Variants in CFAP61 observed in about 807,000 individuals in gnomAD.
The protein encoded by CFAP61 is cilia and flagella associated protein 61.
In CFAP61, 107 loss-of-function variants were observed where a neutral mutation model predicts 135.6. The observed-to-expected ratio is 0.79, with a 90% CI of 0.67 to 0.93. The LOEUF (loss-of-function observed/expected upper bound fraction) is 0.93. Ranked by LOEUF, CFAP61 falls within the 40% of genes least tolerant of loss-of-function variation. The pLI is 0.00. For missense variants in CFAP61, 1,507 were observed against 1,556.2 expected, an observed-to-expected ratio of 0.97 and a Z score of 0.53; for synonymous variants, 575 against 578.5, an observed-to-expected ratio of 0.99 and a Z score of 0.09.
intron 6 of CFAP61, among the ~76,000 whole-genome samples, chr20:20,081,399 T>A (rs2046419747): frequency 6.6e-6 from 1 of 152,228 alleles, no homozygotes; most frequent in Admixed American, 6.5e-5. Flanking sequence ...GGGATTATTG[T>A]AATAGAAAAC....
At chr20:20,256,228 A>G in intron 20 of CFAP61, among the ~76,000 whole-genome samples, 1 of 152,222 alleles carries the variant, frequency 6.6e-6, no homozygotes, top group East Asian at 1.9e-4. Context: ...GACCAACAAA[A>G]TCATGGAAAG....
chr20:20,179,702 G>T (rs2054905191), intron 13 of CFAP61, among the ~76,000 whole-genome samples: 1 of 152,142 alleles, frequency 6.6e-6, no homozygotes, highest in African/African-American at 2.4e-5. Context: ...CAATGGAAGA[G>T]AATAGAGAAC....
At chr20:20,276,331 G>A (rs1394276948) in intron 21 of CFAP61, among the ~76,000 whole-genome samples, 1 of 151,222 alleles carries the variant, frequency 6.6e-6, no homozygotes, top group African/African-American at 2.4e-5. Flanking sequence ...CCTGGAAAAT[G>A]AGTCTACAGC....
intron 8 of CFAP61, among the ~76,000 whole-genome samples, chr20:20,101,507 T>C (rs1486488738): frequency 1.3e-5 from 2 of 152,228 alleles, no homozygotes; most frequent in South Asian, 4.1e-4. Context: ...TCGTGCATGA[T>C]GATAGTCTTG....
At chr20:20,322,351 G>T (rs1228921606) in intron 25 of CFAP61, among the ~76,000 whole-genome samples, 1 of 152,142 alleles carries the variant, frequency 6.6e-6, no homozygotes, top group Non-Finnish European at 1.5e-5. Context: ...CTGACATGAA[G>T]TCCCAACATG....
At chr20:20,177,501 G>A (rs920691109) in intron 13 of CFAP61, among the ~76,000 whole-genome samples, 9 of 142,386 alleles carry the variant, frequency 6.3e-5, no homozygotes, top group African/African-American at 8.0e-5. Context: ...ACTGGGTTCC[G>A]GGGTGCAGGA....
intron 8 of CFAP61, among the ~76,000 whole-genome samples, chr20:20,124,755 C>T (rs1275129346): frequency 2.6e-5 from 4 of 151,626 alleles, no homozygotes; most frequent in Admixed American, 2.6e-4. Flanking sequence ...GGGAGGGTTC[C>T]TTCTTTCTCT....
chr20:20,191,388 T>A lies in CFAP61; in HGVS notation c.1559T>A (p.Ile520Lys), dbSNP rs980178738. ...TTTGTAGCTGAAGTTGCAGAACAAA[T>A]AGTTGGTATTGCAGTGATCAGAAAT... is the stretch of plus-strand genomic sequence containing the variant. ...QAFVAEVAEQ[I>K]VGIAVIRNEM... The change falls in exon 15 of 27, where the codon ATA (isoleucine) becomes AAA (lysine). Residue 520 changes from isoleucine to lysine, a missense_variant. Transcript: ENST00000245957. The A allele has an allele frequency of 1.2e-6, 2 of 1,613,016 alleles. No individual in the cohort carries two copies. Among genetic ancestry groups the A allele is most frequent in the Non-Finnish European group, 1.7e-6 (2 of 1,179,308 alleles).
intron 21 of CFAP61, among the ~76,000 whole-genome samples, chr20:20,274,399 G>A (rs1184178812): frequency 4.6e-5 from 7 of 152,340 alleles, no homozygotes; most frequent in Admixed American, 2.6e-4. Flanking sequence ...AGAGGCTCAC[G>A]TCTATAATCC....
At chr20:20,156,118 T>C (rs1304128685) in intron 9 of CFAP61, among the ~76,000 whole-genome samples, 3 of 152,104 alleles carry the variant, frequency 2.0e-5, no homozygotes, top group African/African-American at 7.2e-5. Flanking sequence ...CTAAGGAACT[T>C]TTCCATGCAA....
chr20:20,315,192 G>A (rs1286271220), intron 25 of CFAP61, among the ~76,000 whole-genome samples: 1 of 151,876 alleles, frequency 6.6e-6, no homozygotes, highest in Non-Finnish European at 1.5e-5. Context: ...ATCCTCTCCA[G>A]CACCTGTTAT....
At chr20:20,182,984 C>CCTCCTCAGG (rs1303643936) in intron 13 of CFAP61, among the ~76,000 whole-genome samples, 1 of 152,192 alleles carries the variant, frequency 6.6e-6, no homozygotes, top group Non-Finnish European at 1.5e-5. Context: ...TAGATCACCT[C>CCTCCTCAGG]CTCCTCAGGT....
In CFAP61 at chr20:20,311,066, C is replaced by T. The variant is rs567027406; in HGVS notation, c.3422+12680C>T. Among the ~76,000 whole-genome samples, 18 of 152,338 alleles carry T rather than the reference C, an allele frequency of 1.2e-4. No individual in the cohort carries two copies. The East Asian group carries it at 1.7e-3, about 15-fold the overall frequency. ...CTGGAAATTGTAGTCTTTCCCTTCC[C>T]GGCCTGTGATATTTTGGCTAAATCA... On this transcript the variant is annotated intron_variant, in intron 25 of 26. Transcript: ENST00000245957.
chr20:20,059,140 C>T (rs2044595853), intron 2 of CFAP61, among the ~76,000 whole-genome samples: 1 of 151,688 alleles, frequency 6.6e-6, no homozygotes, highest in African/African-American at 2.4e-5. Context: ...ACCATCCTGG[C>T]CAACAGGTGA....
intron 8 of CFAP61, among the ~76,000 whole-genome samples, chr20:20,105,493 C>CTGTGG (rs898837538): frequency 1.2e-4 from 18 of 152,170 alleles, no homozygotes; most frequent in Admixed American, 1.2e-3. Context: ...CTCCTAGATC[C>CTGTGG]TGTGGTGTGG....
Position 20,277,469 on chromosome 20 carries a change from C to T in CFAP61, c.2796+11C>T. 1 of 1,588,446 alleles carries T rather than the reference C, an allele frequency of 6.3e-7. No homozygotes were observed. Among genetic ancestry groups the T allele is most frequent in the Non-Finnish European group, 8.6e-7 (1 of 1,163,024 alleles). On this transcript the variant is annotated intron_variant, in intron 22 of 26. Transcript: ENST00000245957. ...AGACTCCAGTGCTCTGTAAGTGGGT[C>T]CCTGCAAACCTCACTCACCAGCCAG...
chr20:20,256,562 A>C (rs904281816), intron 20 of CFAP61, among the ~76,000 whole-genome samples: 2 of 152,246 alleles, frequency 1.3e-5, no homozygotes, highest in Non-Finnish European at 2.9e-5. Context: ...TGGGTGAATA[A>C]GAAAAAATTA....
At chr20:20,316,198 A>G (rs1380717041) in intron 25 of CFAP61, among the ~76,000 whole-genome samples, 4 of 151,966 alleles carry the variant, frequency 2.6e-5, no homozygotes, top group South Asian at 2.1e-4. Flanking sequence ...ATTTGTTTGT[A>G]TCCTCATTTA....
intron 8 of CFAP61, among the ~76,000 whole-genome samples, chr20:20,140,394 C>A (rs1170300019): frequency 1.5e-5 from 2 of 129,496 alleles, no homozygotes; most frequent in Non-Finnish European, 3.1e-5. Flanking sequence ...CTTCCTGTGT[C>A]CATGTGTTCT....
Sources: gnomAD v4.1 joint callset for allele counts (sites outside exome capture counted in the v4.1 genomes callset) on GRCh38, gnomAD v4.1.1 for gene constraint, MANE v1.5 for transcripts, NCBI Gene and HGNC (gene_info 2026-07-23, HGNC 2026-07-21) for gene names.